Variants in KLF8 observed in about 807,000 individuals in gnomAD.
KLF8 encodes Krueppel-like factor 8.
A neutral mutation model predicts 18.2 loss-of-function variants in KLF8; 10 were observed. That is an observed-to-expected ratio of 0.55 (90% CI 0.34 to 0.93). The LOEUF (loss-of-function observed/expected upper bound fraction) is 0.93, where lower values mean the gene tolerates loss of function less well. Among genes scored for constraint, KLF8 ranks in the 40% least tolerant of loss-of-function variants. KLF8 has a pLI of 0.02. For missense variants in KLF8, 264 were observed against 277.9 expected (o/e 0.95, Z 0.36); for synonymous variants, 109 against 97.3 (o/e 1.12, Z -0.71).
chrX:56,189,526 A>G, the KLF8 span, among the ~76,000 whole-genome samples: 1 of 111,110 alleles, frequency 9.0e-6, no homozygotes, highest in Non-Finnish European at 1.9e-5. Context: ...CTGGGTATAT[A>G]CCCAAAGGAC....
chrX:56,146,280 C>T, the KLF8 span, among the ~76,000 whole-genome samples: 1 of 111,924 alleles, frequency 8.9e-6, no homozygotes, highest in Middle Eastern at 4.6e-3. Flanking sequence ...TATTGTGGCA[C>T]TGTTAACAAT....
chrX:55,944,923 A>C, the KLF8 span, among the ~76,000 whole-genome samples: 4 of 110,547 alleles, frequency 3.6e-5, no homozygotes, highest in African/African-American at 6.6e-5. Context: ...TTGTGATGTT[A>C]GGGTGTCAAT....
chrX:56,117,103 C>T, the KLF8 span, among the ~76,000 whole-genome samples: 3 of 110,027 alleles, frequency 2.7e-5, no homozygotes, highest in Non-Finnish European at 5.7e-5. Flanking sequence ...CAGCAAGACC[C>T]CTATCTCTAT....
chrX:56,000,252 T>A, the KLF8 span, among the ~76,000 whole-genome samples: 2 of 110,971 alleles, frequency 1.8e-5, no homozygotes, highest in Non-Finnish European at 3.8e-5. Flanking sequence ...GCTAGCATTC[T>A]GTTGAGGATT....
At chrX:55,926,543 A>G in the KLF8 span, among the ~76,000 whole-genome samples, 1 of 110,810 alleles carries the variant, frequency 9.0e-6, no homozygotes. Context: ...ATTCTCTTAC[A>G]TATTTACTTT....
chrX:56,003,216 C>A, the KLF8 span, among the ~76,000 whole-genome samples: 1 of 109,712 alleles, frequency 9.1e-6, no homozygotes. Context: ...TATGGTGAAA[C>A]CCCGCCTCTA....
At chrX:56,061,986 C>CTTTTTTTTTTTTTTTT in the KLF8 span, among the ~76,000 whole-genome samples, 3 of 57,151 alleles carry the variant, frequency 5.2e-5, no homozygotes, top group African/African-American at 2.7e-4. Context: ...GCAACCCCTG[C>CTTTTTTTTTTTTTTTT]TTTTTTTTTT....
the KLF8 span, among the ~76,000 whole-genome samples, chrX:56,182,183 C>T: frequency 8.9e-6 from 1 of 111,804 alleles, no homozygotes; most frequent in Non-Finnish European, 1.9e-5. Flanking sequence ...TTTCTCTAAA[C>T]TTCTCTTCTC....
the KLF8 span, among the ~76,000 whole-genome samples, chrX:56,178,744 C>G: frequency 8.9e-6 from 1 of 112,009 alleles, no homozygotes; most frequent in Non-Finnish European, 1.9e-5. Context: ...ATAGGGAATC[C>G]TTTCTCCGTT....
chrX:56,260,191 G>C (rs1332435174), intron 2 of KLF8, among the ~76,000 whole-genome samples: 1 of 111,085 alleles, frequency 9.0e-6, no homozygotes, highest in Admixed American at 9.6e-5. Context: ...GGCCCACCCA[G>C]ATAATCCAGC....
At chrX:55,910,057 C>G in the KLF8 span, among the ~76,000 whole-genome samples, 2 of 111,999 alleles carry the variant, frequency 1.8e-5, no homozygotes, top group African/African-American at 3.2e-5. Flanking sequence ...ATATTTCACT[C>G]TGTAGGTTTT....
At chrX:56,251,947 A>G (rs1201621273) in intron 2 of KLF8, among the ~76,000 whole-genome samples, 2 of 111,560 alleles carry the variant, frequency 1.8e-5, no homozygotes. Context: ...TAAGTGTACA[A>G]TTAAGTTATT....
chrX:56,260,823 A>G (rs1414646157), intron 2 of KLF8, among the ~76,000 whole-genome samples: 1 of 112,235 alleles, frequency 8.9e-6, no homozygotes, highest in Non-Finnish European at 1.9e-5. Flanking sequence ...CCTGTTTACA[A>G]AAACAGGTTT....
At chrX:55,965,486 G>T in the KLF8 span, among the ~76,000 whole-genome samples, 2 of 111,563 alleles carry the variant, frequency 1.8e-5, no homozygotes, top group Non-Finnish European at 3.8e-5. Context: ...AAACAAGAAT[G>T]CCCACTCTCA....
chrX:56,191,557 T>C, the KLF8 span, among the ~76,000 whole-genome samples: 2 of 111,223 alleles, frequency 1.8e-5, no homozygotes, highest in South Asian at 3.7e-4. Flanking sequence ...CTCTAGAAAA[T>C]TGTAGCAGAA....
At chrX:56,122,292 G>A in the KLF8 span, among the ~76,000 whole-genome samples, 464 of 111,787 alleles carry the variant, frequency 4.2e-3, 1 homozygote, top group Non-Finnish European at 7.3e-3. Flanking sequence ...TGCCAAATCT[G>A]GATTCCAATC....
rs769095018 is a variant in KLF8, at chrX:56,247,635, T to C, written c.8-2596T>C. Among the ~76,000 whole-genome samples, 9 of 110,684 alleles carry C rather than the reference T, an allele frequency of 8.1e-5. No homozygotes were observed. The South Asian group carries it at 1.6e-3, about 19-fold the overall frequency. ...CTTTTTACAAGTTTTTGTTAAAAACTAAGACACAAAGACACATCAGCCTAG... is the reference window on the plus strand; with the variant it reads ...CTTTTTACAAGTTTTTGTTAAAAACCAAGACACAAAGACACATCAGCCTAG... On this transcript the variant is annotated intron_variant, in intron 1 of 5. Coordinates refer to ENST00000468660, the MANE Select transcript of KLF8 (RefSeq NM_007250.5).
the KLF8 span, among the ~76,000 whole-genome samples, chrX:56,042,860 A>G: frequency 9.0e-6 from 1 of 111,604 alleles, no homozygotes; most frequent in African/African-American, 3.3e-5. Context: ...TGATCCTGTC[A>G]TCAAGACGCT....
chrX:56,076,878 T>A, the KLF8 span, among the ~76,000 whole-genome samples: 2 of 112,471 alleles, frequency 1.8e-5, no homozygotes, highest in South Asian at 7.4e-4. Context: ...GATTTGCATT[T>A]CTCTGATGGC....
Sources: gnomAD v4.1 joint callset for allele counts (sites outside exome capture counted in the v4.1 genomes callset) on GRCh38, gnomAD v4.1.1 for gene constraint, MANE v1.5 for transcripts, NCBI Gene and HGNC (gene_info 2026-07-23, HGNC 2026-07-21) for gene names.